CACNA2D1: variants seen among roughly 807,000 people sequenced by gnomAD.
CACNA2D1 encodes the protein voltage-dependent calcium channel subunit alpha-2/delta-1.
In CACNA2D1, 53 loss-of-function variants were observed where a neutral mutation model predicts 171.5. The ratio of observed to expected loss-of-function variants is 0.31; its 90% CI spans 0.25 to 0.39. CACNA2D1 has a LOEUF of 0.39. CACNA2D1 is among the 10% of genes least tolerant of loss of function. CACNA2D1 has a pLI of 1.00. For missense variants in CACNA2D1, 903 were observed against 1,299.8 expected (o/e 0.69, Z 4.69); for synonymous variants, 442 against 443.1 (o/e 1.00, Z 0.03).
chr7:82,194,608 C>A (rs1421555670), intron 3 of CACNA2D1, among the ~76,000 whole-genome samples: 1 of 151,688 alleles, frequency 6.6e-6, no homozygotes, highest in Non-Finnish European at 1.5e-5. Flanking sequence ...GCAAACAATA[C>A]TCTATCATGT....
chr7:82,248,222 A>G (rs2129309198), intron 3 of CACNA2D1, among the ~76,000 whole-genome samples: 1 of 152,354 alleles, frequency 6.6e-6, no homozygotes, highest in South Asian at 2.1e-4. Flanking sequence ...TTCAGCAATC[A>G]GGCATTCACT....
intron 1 of CACNA2D1, among the ~76,000 whole-genome samples, chr7:82,420,493 G>C (rs944726597): frequency 2.0e-5 from 3 of 151,970 alleles, no homozygotes; most frequent in African/African-American, 7.2e-5. Context: ...CCTTAAATAT[G>C]AAACTTGCAC....
At chr7:81,987,117 G>T (rs1369443667) in intron 21 of CACNA2D1, among the ~76,000 whole-genome samples, 5 of 152,172 alleles carry the variant, frequency 3.3e-5, no homozygotes, top group African/African-American at 9.6e-5. Flanking sequence ...TATGCGTTTT[G>T]TTGGCCTGTA....
At chr7:82,130,013 C>A (rs1197478433) in intron 5 of CACNA2D1, among the ~76,000 whole-genome samples, 1 of 152,106 alleles carries the variant, frequency 6.6e-6, no homozygotes, top group Non-Finnish European at 1.5e-5. Context: ...GGGAAAGGAT[C>A]TCTCTAAAAA....
intron 3 of CACNA2D1, among the ~76,000 whole-genome samples, chr7:82,310,156 A>C (rs1040270432): frequency 9.2e-5 from 14 of 152,038 alleles, no homozygotes; most frequent in Non-Finnish European, 1.8e-4. Flanking sequence ...TTTCATCTAC[A>C]AACACTGATA....
intron 3 of CACNA2D1, among the ~76,000 whole-genome samples, chr7:82,248,702 T>C (rs1168091488): frequency 6.6e-6 from 1 of 152,048 alleles, no homozygotes; most frequent in Non-Finnish European, 1.5e-5. Context: ...AGAGCATTGA[T>C]GCAGTAGATC....
At chr7:82,066,312 A>T in intron 8 of CACNA2D1, 143 bp downstream of exon 8, 2 of 1,100,386 alleles carry the variant, frequency 1.8e-6, no homozygotes, top group Non-Finnish European at 2.6e-6. Flanking sequence ...ATTTACCTTT[A>T]CCTATATTTA....
At chr7:82,234,911 CAG>C (rs1226001312) in intron 3 of CACNA2D1, among the ~76,000 whole-genome samples, 1 of 152,128 alleles carries the variant, frequency 6.6e-6, no homozygotes, top group Non-Finnish European at 1.5e-5. Flanking sequence ...CTACCTTAAA[CAG>C]AATTAGTATT....
chr7:82,042,800 T>A lies in CACNA2D1; in HGVS notation c.880-4565A>T, dbSNP rs548395882. On this transcript the variant is annotated intron_variant, in intron 10 of 38. Transcript: ENST00000356860. ...TTCTCCCTTCTTCACTCAGTCCTCA[T>A]GAAAGTTTTCATGACCTTCCCTGAC... Among the ~76,000 whole-genome samples the A allele has an allele frequency of 1.6e-4, 24 of 152,308 alleles. No individual in the cohort carries two copies. In the South Asian group the frequency reaches 5.0e-3, roughly 32 times the overall value.
At chr7:82,163,387 T>A (rs560862390) in intron 4 of CACNA2D1, among the ~76,000 whole-genome samples, 1 of 152,150 alleles carries the variant, frequency 6.6e-6, no homozygotes, top group African/African-American at 2.4e-5. Flanking sequence ...TGTTTGGAGA[T>A]GGCAAGTTAT....
chr7:82,341,823 G>A (rs1002803336), intron 2 of CACNA2D1, among the ~76,000 whole-genome samples: 4 of 151,706 alleles, frequency 2.6e-5, no homozygotes, highest in Admixed American at 1.3e-4. Flanking sequence ...CGAGGTGGGC[G>A]GATCACGAGG....
At chr7:82,157,510 A>T (rs567636226) in intron 4 of CACNA2D1, among the ~76,000 whole-genome samples, 1 of 152,204 alleles carries the variant, frequency 6.6e-6, no homozygotes, top group African/African-American at 2.4e-5. Context: ...AAATTTATGA[A>T]TCAGAACGTC....
intron 4 of CACNA2D1, among the ~76,000 whole-genome samples, chr7:82,142,589 A>G (rs530940064): frequency 6.6e-6 from 1 of 152,328 alleles, no homozygotes; most frequent in South Asian, 2.1e-4. Context: ...ATTAAAATAT[A>G]TGACACATTC....
At chr7:82,299,269 G>A (rs1812702973) in intron 3 of CACNA2D1, among the ~76,000 whole-genome samples, 1 of 151,966 alleles carries the variant, frequency 6.6e-6, no homozygotes, top group Admixed American at 6.6e-5. Context: ...GGAGAAAGTA[G>A]GTTAAAGTGG....
rs375634457 is a variant in CACNA2D1, at chr7:82,081,490, A to G, written c.658+3279T>C. On this transcript the variant is annotated intron_variant, in intron 7 of 38. Transcript: ENST00000356860. Reference sequence around the variant, plus strand: ...TAACAGATTCACTAAACTAAAATCCATTCAAGTGTATTCCCTAGCAGTCAA... The same window carrying G: ...TAACAGATTCACTAAACTAAAATCCGTTCAAGTGTATTCCCTAGCAGTCAA... 2.7e-3 allele frequency among the ~76,000 whole-genome samples: 404 copies of G among 152,310 alleles called. 3 individuals carry two copies. Among genetic ancestry groups the G allele is most frequent in the African/African-American group, 9.0e-3 (373 of 41,580 alleles).
At chr7:82,401,665 C>A (rs1826440549) in intron 1 of CACNA2D1, among the ~76,000 whole-genome samples, 1 of 151,672 alleles carries the variant, frequency 6.6e-6, no homozygotes, top group African/African-American at 2.4e-5. Flanking sequence ...ATGTAACTAA[C>A]CTGCACAATG....
At chr7:82,127,241 T>C (rs947963365) in intron 5 of CACNA2D1, among the ~76,000 whole-genome samples, 3 of 152,212 alleles carry the variant, frequency 2.0e-5, no homozygotes, top group African/African-American at 7.2e-5. Context: ...CTGCATCCAA[T>C]CCCATTAGAT....
In CACNA2D1 at chr7:82,090,835, T is replaced by C. The variant is rs991143166; in HGVS notation, c.527-5935A>G. ...TGTTTAGTTTTAGATTCAACACTTA[T>C]TGTAAGTATGATTCTAAACAAAAGA... On this transcript the variant is annotated intron_variant, in intron 6 of 38. Coordinates refer to ENST00000356860, the MANE Select transcript of CACNA2D1 (RefSeq NM_000722.4). 2.6e-5 allele frequency among the ~76,000 whole-genome samples: 4 copies of C among 152,172 alleles called. No individual in the cohort carries two copies. The East Asian group carries it at 7.7e-4, about 29-fold the overall frequency.
intron 1 of CACNA2D1, among the ~76,000 whole-genome samples, chr7:82,393,083 A>AAGGAAGGAAGGCAGGC (rs1208617777): frequency 7.9e-4 from 65 of 82,390 alleles, no homozygotes; most frequent in African/African-American, 2.8e-3. Flanking sequence ...GGAAGGAAGG[A>AAGGAAGGAAGGCAGGC]AGGCAGGCAG....
Sources: gnomAD v4.1 joint callset for allele counts (sites outside exome capture counted in the v4.1 genomes callset) on GRCh38, gnomAD v4.1.1 for gene constraint, MANE v1.5 for transcripts, NCBI Gene and HGNC (gene_info 2026-07-23, HGNC 2026-07-21) for gene names.